The following MELK variants were observed in gnomAD, a reference collection of about 807,000 sequenced individuals.
MELK encodes pEg3 kinase.
Under a neutral mutation model 85.0 loss-of-function variants are expected in MELK, and 81 were observed. That is an observed-to-expected ratio of 0.95 (90% CI 0.80 to 1.15). The LOEUF is 1.15. Ranked by LOEUF, MELK falls within the 50% of genes most tolerant of loss-of-function variation. MELK has a pLI of 0.00. For missense variants in MELK, 754 were observed against 777.5 expected (o/e 0.97, Z 0.36); for synonymous variants, 252 against 265.0 (o/e 0.95, Z 0.48).
chr9:36,615,485 C>T (rs1425091452), intron 8 of MELK, among the ~76,000 whole-genome samples: 6 of 112,892 alleles, frequency 5.3e-5, no homozygotes, highest in Admixed American at 8.4e-5. Flanking sequence ...GCTGGCCTGG[C>T]GGGGGCTGAC....
At chr9:36,675,021 C>G in intron 17 of MELK, 84 bp downstream of exon 17, 1 of 948,158 alleles carries the variant, frequency 1.1e-6, no homozygotes, top group South Asian at 1.5e-5. Flanking sequence ...CGCGGTGGCT[C>G]ACGCCTGTAA....
chr9:36,618,957 G>GTT (rs1433696974), intron 8 of MELK, among the ~76,000 whole-genome samples: 17 of 143,138 alleles, frequency 1.2e-4, no homozygotes, highest in Admixed American at 1.1e-3. Flanking sequence ...TCAACTCTAA[G>GTT]TATTTTTTTT....
intron 11 of MELK, among the ~76,000 whole-genome samples, chr9:36,650,087 G>A (rs1830569140): frequency 1.3e-5 from 2 of 151,776 alleles, no homozygotes; most frequent in Non-Finnish European, 1.5e-5. Context: ...GGGACTACAG[G>A]CGCCCACTAC....
At chr9:36,643,148 C>G in intron 11 of MELK, 65 bp downstream of exon 11, 1 of 1,342,186 alleles carries the variant, frequency 7.5e-7, no homozygotes, top group Non-Finnish European at 1.0e-6. Flanking sequence ...TTTGGGAGGC[C>G]GAGGTGGGAG....
Position 36,609,715 on chromosome 9 carries a change from G to A in MELK, c.666+2042G>A, listed in dbSNP as rs1232388160. ...GATCCTCCCACCTCAGCCTTGCAAA[G>A]TGCTGAGATTACAGGTGTGAGCTAC... is the stretch of plus-strand genomic sequence containing the variant. On this transcript the variant is annotated intron_variant, in intron 8 of 17. Coordinates refer to ENST00000298048, the MANE Select transcript of MELK (RefSeq NM_014791.4). Among the ~76,000 whole-genome samples, 4 of 152,152 alleles carry A rather than the reference G, an allele frequency of 2.6e-5. No homozygotes were observed. The South Asian group carries it at 6.2e-4, about 24-fold the overall frequency.
rs1457411307 is a variant in MELK, at chr9:36,614,429, T to TTTTTTG, written c.666+6761_666+6762insGTTTTT. Among the ~76,000 whole-genome samples, 355 of 137,196 alleles carry TTTTTTG rather than the reference T, an allele frequency of 2.6e-3. 3 individuals are homozygous for TTTTTTG. In the Middle Eastern group the frequency reaches 0.05, roughly 19 times the overall value. 90.0% of individuals were successfully genotyped at this position (137,196 alleles called of 152,430 possible). ...TTTTTAAAAAATTATTTTTGGGTTT[T>TTTTTTG]TTTTTTTTTTTTTTAATTTATTTTT... On this transcript the variant is annotated intron_variant, in intron 8 of 17. Transcript: ENST00000298048.
rs34671966 is a variant in MELK, at chr9:36,642,418, C to CTTTT, written c.835-554_835-551dup. On this transcript the variant is annotated intron_variant, in intron 10 of 17. Transcript: ENST00000298048. ...ACAGTCCCTGGGCTGTACAACAGAA[C>CTTTT]TTTTTTTTTTTTTTTTTTTTTTTTT... Among the ~76,000 whole-genome samples, 37 of 84,788 alleles carry CTTTT rather than the reference C, an allele frequency of 4.4e-4. 3 individuals carry two copies. The highest frequency in any genetic ancestry group is 1.4e-3 in the South Asian group (3 of 2,110). 55.6% of individuals were successfully genotyped at this position (84,788 alleles called of 152,430 possible). A position where few individuals can be genotyped will look rare whatever the true frequency, so the allele number is the denominator to read the frequency against.
chr9:36,674,961 T>A (rs2138262201), intron 17 of MELK, 24 bp downstream of exon 17: 2 of 1,493,126 alleles, frequency 1.3e-6, no homozygotes, highest in East Asian at 4.5e-5. Flanking sequence ...TTACAAGCTG[T>A]TGCATTTATT....
At chr9:36,638,782 A>G (rs1189954818) in intron 10 of MELK, among the ~76,000 whole-genome samples, 1 of 152,142 alleles carries the variant, frequency 6.6e-6, no homozygotes, top group Non-Finnish European at 1.5e-5. Context: ...TTTAATCTGT[A>G]CGCCAATCCT....
intron 10 of MELK, among the ~76,000 whole-genome samples, chr9:36,635,611 A>G (rs1164899832): frequency 6.6e-6 from 1 of 152,072 alleles, no homozygotes; most frequent in African/African-American, 2.4e-5. Context: ...AAATGTCAAC[A>G]CTTTGAAAAA....
At chr9:36,666,843 ATGTC>A (rs1228230990) in intron 14 of MELK, among the ~76,000 whole-genome samples, 28 of 129,420 alleles carry the variant, frequency 2.2e-4, no homozygotes, top group Non-Finnish European at 3.4e-4. Flanking sequence ...TGTCCTGATG[ATGTC>A]TGTGTTTGTG....
chr9:36,634,686 A>G (rs1238443024), intron 10 of MELK, among the ~76,000 whole-genome samples: 2 of 151,990 alleles, frequency 1.3e-5, no homozygotes, highest in African/African-American at 4.8e-5. Context: ...GCCTTGGGTG[A>G]CAGAGCGAGA....
chr9:36,670,924 A>C (rs1832826494), intron 15 of MELK, 74 bp from the exon 16 acceptor site: 2 of 1,468,964 alleles, frequency 1.4e-6, no homozygotes, highest in Non-Finnish European at 9.1e-7. Context: ...ATGAAGGGAC[A>C]AAAGTTCACC....
intron 10 of MELK, among the ~76,000 whole-genome samples, chr9:36,635,267 A>ATT (rs36030207): frequency 3.4e-5 from 5 of 147,658 alleles, no homozygotes; most frequent in African/African-American, 9.9e-5. Flanking sequence ...TTTAATTTTA[A>ATT]TTTTTTTTTT....
At chr9:36,608,684 C>G (rs544086491) in intron 8 of MELK, among the ~76,000 whole-genome samples, 2 of 151,912 alleles carry the variant, frequency 1.3e-5, no homozygotes, top group Non-Finnish European at 2.9e-5. Flanking sequence ...CAGGTTCAAG[C>G]GATTCTCCTG....
chr9:36,663,387 C>T (rs539143483), intron 13 of MELK, among the ~76,000 whole-genome samples: 6 of 152,186 alleles, frequency 3.9e-5, no homozygotes, highest in African/African-American at 1.4e-4. Flanking sequence ...GCCTGCTTTT[C>T]TTTAAAACAA....
intron 7 of MELK, among the ~76,000 whole-genome samples, chr9:36,601,852 T>G (rs1421274428): frequency 1.3e-5 from 2 of 152,212 alleles, no homozygotes; most frequent in Non-Finnish European, 2.9e-5. Flanking sequence ...TTATTTCACT[T>G]AGCATAATGT....
intron 5 of MELK, 100 bp downstream of exon 5, chr9:36,594,871 C>G (rs1490059775): frequency 7.7e-7 from 1 of 1,300,478 alleles, no homozygotes; most frequent in Admixed American, 2.8e-5. Flanking sequence ...CTTTGGTTTG[C>G]TTTTTGTTGT....
chr9:36,643,864 G>A (rs1829988393), intron 11 of MELK, among the ~76,000 whole-genome samples: 1 of 151,446 alleles, frequency 6.6e-6, no homozygotes. Context: ...AACCTGGGAG[G>A]CGGAGTTTGC....
Sources: gnomAD v4.1 joint callset for allele counts (sites outside exome capture counted in the v4.1 genomes callset) on GRCh38, gnomAD v4.1.1 for gene constraint, MANE v1.5 for transcripts, NCBI Gene and HGNC (gene_info 2026-07-23, HGNC 2026-07-21) for gene names.